The following ZC3H12A variants were observed in gnomAD, a reference collection of about 807,000 sequenced individuals.
ZC3H12A encodes the protein endoribonuclease ZC3H12A.
A neutral mutation model predicts 29.9 loss-of-function variants in ZC3H12A; 9 were observed. The ratio of observed to expected loss-of-function variants is 0.30; its 90% CI spans 0.18 to 0.53. The LOEUF (loss-of-function observed/expected upper bound fraction) is 0.53. Ranked by LOEUF, ZC3H12A falls within the 20% of genes least tolerant of loss-of-function variation. The pLI, the probability that ZC3H12A is intolerant of heterozygous loss-of-function variation, is 0.96. For synonymous variants in ZC3H12A, 323 were observed against 338.1 expected (o/e 0.96, Z 0.49); for missense variants, 617 against 799.0 (o/e 0.77, Z 2.75).
chr1:37,483,511 A>ACCTGGTGGAGGCTGTGATGGGGCGCTTCC lies in ZC3H12A; in HGVS notation c.1702_1730dup (p.Gln578TrpfsTer5). ...AAGCTGTGTGGTGTGTTTCCCCCGC[A>ACCTGGTGGAGGCTGTGATGGGGCGCTTCC]CCTGGTGGAGGCTGTGATGGGGCGC... On this transcript the variant is annotated frameshift_variant, in exon 6 of 6. Transcript: ENST00000373087. LOFTEE classifies it high-confidence loss of function. The ACCTGGTGGAGGCTGTGATGGGGCGCTTCC allele has an allele frequency of 6.2e-7, 1 of 1,613,802 alleles. No individual in the cohort carries two copies. The highest frequency in any genetic ancestry group is 8.5e-7 in the Non-Finnish European group (1 of 1,179,912).
chr1:37,479,805 G>A lies in ZC3H12A; in HGVS notation c.444-485G>A. The stretch of plus-strand genomic sequence containing the variant: ...TGCTTCCCCCGCCCCCACCCACGCT[G>A]CAAGAGGCGAGGGAGGGGTGGTGAC... On this transcript the variant is annotated intron_variant, in intron 2 of 5. Transcript: ENST00000373087. The surrounding 1 kb of genome is among the most constrained non-coding windows in gnomAD (Gnocchi z 4.5). The A allele has an allele frequency of 1.0e-6, 1 of 985,420 alleles. No homozygotes were observed. The highest frequency in any genetic ancestry group is 1.2e-6 in the Non-Finnish European group (1 of 829,924). The allele number at this position is 985,420 out of a possible 1,614,324, so 61.0% of individuals were successfully genotyped here.
chr1:37,482,302 G>T, intron 4 of ZC3H12A, 132 bp from the exon 5 acceptor site: 2 of 769,102 alleles, frequency 2.6e-6, no homozygotes, highest in South Asian at 3.4e-5. Flanking sequence ...GTTTTGCGGG[G>T]TCCTGGACAG....
chr1:37,482,996 A>G lies in ZC3H12A; in HGVS notation c.1185A>G (p.Thr395=). ...CAGGGTCCCGCCAAGAGGGTCTAAC[A>G]CAGACCTATGCCCCATCAGGCAGGA... is the stretch of plus-strand genomic sequence containing the variant. ...ASPGSRQEGL[T]QTYAPSGRSL... Residue 395 remains threonine (T), a synonymous_variant, in exon 6 of 6, where the codon ACA becomes ACG. Coordinates refer to ENST00000373087, the MANE Select transcript of ZC3H12A (RefSeq NM_025079.3). The G allele has an allele frequency of 6.2e-7, 1 of 1,610,474 alleles. No individual in the cohort carries two copies. Among genetic ancestry groups the G allele is most frequent in the Non-Finnish European group, 8.5e-7 (1 of 1,178,528 alleles).
intron 3 of ZC3H12A, 96 bp from the exon 4 acceptor site, chr1:37,481,505 C>T: frequency 1.6e-6 from 2 of 1,237,208 alleles, no homozygotes; most frequent in Non-Finnish European, 2.3e-6. Context: ...TGGCGTTAAC[C>T]ACTCCTGTGT....
At chr1:37,477,349 G>A (rs1439697751) in intron 2 of ZC3H12A, among the ~76,000 whole-genome samples, 3 of 152,168 alleles carry the variant, frequency 2.0e-5, no homozygotes, top group African/African-American at 7.2e-5. Context: ...GTGATGAGGG[G>A]TGCTCAGAGG....
chr1:37,479,167 G>A lies in ZC3H12A; in HGVS notation c.444-1123G>A. On this transcript the variant is annotated intron_variant, in intron 2 of 5. Coordinates refer to ENST00000373087, the MANE Select transcript of ZC3H12A (RefSeq NM_025079.3). This position sits in a 1 kb window ranked among gnomAD's most constrained non-coding sequence, Gnocchi z 4.5. ...GTCTAAGCTGTTCACTGAGGGGGCA[G>A]TGAGACGTGGGGCTGCTGGTCCTAG... The A allele has an allele frequency of 1.0e-6, 1 of 985,470 alleles. No individual in the cohort carries two copies. The highest frequency in any genetic ancestry group is 1.2e-6 in the Non-Finnish European group (1 of 829,940). 61.0% of individuals were successfully genotyped at this position (985,470 alleles called of 1,614,324 possible). A position where few individuals can be genotyped will look rare whatever the true frequency, so the allele number is the denominator to read the frequency against.
Position 37,479,781 on chromosome 1 carries a change from G to A in ZC3H12A, c.444-509G>A. The A allele has an allele frequency of 1.0e-6, 1 of 985,426 alleles. No homozygotes were observed. 61.0% of individuals were successfully genotyped at this position (985,426 alleles called of 1,614,324 possible). A position where few individuals can be genotyped will look rare whatever the true frequency, so the allele number is the denominator to read the frequency against. On this transcript the variant is annotated intron_variant, in intron 2 of 5. Coordinates refer to ENST00000373087, the MANE Select transcript of ZC3H12A (RefSeq NM_025079.3). The surrounding 1 kb of genome is among the most constrained non-coding windows in gnomAD (Gnocchi z 4.5). ...TTTCTCCTCGGTCAGCCCAGCCGGT[G>A]CTTCCCCCGCCCCCACCCACGCTGC...
At position 37,483,451 on chromosome 1, in the gene ZC3H12A, G is replaced by A. The variant is rs17849897; in HGVS notation, c.1640G>A (p.Gly547Asp). The A allele has an allele frequency of 0.024, 38,396 of 1,614,016 alleles. 552 individuals are homozygous for A. The highest frequency in any genetic ancestry group is 0.028 in the Non-Finnish European group (32,651 of 1,179,954). ...GAGRSPWGRA[G>D]SLAKEQASVY... ...GGCAGGAGCCCGTGGGGCAGGGCAG[G>A]CAGCCTGGCCAAGGAGCAGGCCAGC... The change falls in exon 6 of 6, where the codon GGC becomes GAC. Residue 547 changes from glycine to aspartate, a missense_variant. Gly to Asp is a moderately conservative substitution (Grantham distance 94, BLOSUM62 -1). Transcript: ENST00000373087.
Position 37,475,516 on chromosome 1 carries a change from A to G in ZC3H12A, c.20A>G (p.Glu7Gly). The G allele has an allele frequency of 6.2e-7, 1 of 1,609,830 alleles. No individual in the cohort carries two copies. The highest frequency in any genetic ancestry group is 8.5e-7 in the Non-Finnish European group (1 of 1,178,050). ...TGAGCTATGAGTGGCCCCTGTGGAG[A>G]GAAGCCTGTCCTGGAAGCCAGCCCC... MSGPCG[E>G]KPVLEASPTM... is the part of the protein sequence containing the mutation. The change falls in exon 2 of 6, where the codon GAG (glutamate) becomes GGG (glycine). Residue 7 changes from glutamate to glycine, a missense_variant. Coordinates refer to ENST00000373087, the MANE Select transcript of ZC3H12A (RefSeq NM_025079.3). This position sits in a 1 kb window ranked among gnomAD's most constrained non-coding sequence, Gnocchi z 5.2.
rs1466011871 is a variant in ZC3H12A at position 37,480,432 on chromosome 1, G to A, written c.583+3G>A. The A allele has an allele frequency of 6.2e-7, 1 of 1,610,990 alleles. No individual in the cohort carries two copies. The highest frequency in any genetic ancestry group is 8.5e-7 in the Non-Finnish European group (1 of 1,178,070). On this transcript the variant is annotated splice_donor_region_variant and intron_variant, in intron 3 of 5. Coordinates refer to ENST00000373087, the MANE Select transcript of ZC3H12A (RefSeq NM_025079.3). ...TCGGCCCGACGTGCCCATCACAGGT[G>A]AGTGGTGCCTCTGGAGGTGGGATGG...
In ZC3H12A at chr1:37,483,402, C is replaced by A. The variant is rs781329279; in HGVS notation, c.1591C>A (p.Pro531Thr). The stretch of plus-strand genomic sequence containing the variant: ...CCCACCCACATCAGTCCTTCAGGAG[C>A]CCCCAGTGCAGAGCCCAGGGGCTGG... ...LPPPTSVLQEPPVQSPGAGRS... is the reference protein window; with the variant it reads ...LPPPTSVLQETPVQSPGAGRS... The change falls in exon 6 of 6, where the codon CCC (proline) becomes ACC (threonine). Residue 531 changes from proline (P) to threonine (T), a missense_variant. Physicochemically the swap from Pro to Thr is conservative, Grantham distance 38 (BLOSUM62 -1). Around this residue, in one of 5 missense-constraint regions of ZC3H12A, gnomAD observed 172 missense variants for 203.1 expected, o/e 0.85. Transcript: ENST00000373087. 1.2e-6 allele frequency: 2 copies of A among 1,613,994 alleles called. No homozygotes were observed. Among genetic ancestry groups the A allele is most frequent in the Non-Finnish European group, 1.7e-6 (2 of 1,179,914 alleles).
chr1:37,477,194 C>T (rs183002200), intron 2 of ZC3H12A, among the ~76,000 whole-genome samples: 4 of 152,380 alleles, frequency 2.6e-5, no homozygotes, highest in African/African-American at 9.6e-5. Context: ...CAGTGTCCAG[C>T]CTCATGTAGC....
chr1:37,479,808 A>G lies in ZC3H12A; in HGVS notation c.444-482A>G. On this transcript the variant is annotated intron_variant, in intron 2 of 5. Coordinates refer to ENST00000373087, the MANE Select transcript of ZC3H12A (RefSeq NM_025079.3). This position sits in a 1 kb window ranked among gnomAD's most constrained non-coding sequence, Gnocchi z 4.5. The stretch of plus-strand genomic sequence containing the variant: ...TTCCCCCGCCCCCACCCACGCTGCA[A>G]GAGGCGAGGGAGGGGTGGTGACTCA... 5 of 985,392 alleles carry G rather than the reference A, an allele frequency of 5.1e-6. No individual in the cohort carries two copies. The South Asian group carries it at 1.4e-4, about 28-fold the overall frequency. 61.0% of individuals were successfully genotyped at this position (985,392 alleles called of 1,614,324 possible). A position where few individuals can be genotyped will look rare whatever the true frequency, so the allele number is the denominator to read the frequency against.
chr1:37,479,172 A>G lies in ZC3H12A; in HGVS notation c.444-1118A>G, dbSNP rs1472559167. The G allele has an allele frequency of 2.0e-6, 2 of 985,272 alleles. No homozygotes were observed. Among genetic ancestry groups the G allele is most frequent in the Non-Finnish European group, 2.4e-6 (2 of 829,924 alleles). 61.0% of individuals were successfully genotyped at this position (985,272 alleles called of 1,614,324 possible). Reference sequence around the variant, plus strand: ...AGCTGTTCACTGAGGGGGCAGTGAGACGTGGGGCTGCTGGTCCTAGGAGCT... The same window carrying G: ...AGCTGTTCACTGAGGGGGCAGTGAGGCGTGGGGCTGCTGGTCCTAGGAGCT... On this transcript the variant is annotated intron_variant, in intron 2 of 5. Transcript: ENST00000373087. This position sits in a 1 kb window ranked among gnomAD's most constrained non-coding sequence, Gnocchi z 4.5.
intron 2 of ZC3H12A, among the ~76,000 whole-genome samples, chr1:37,477,883 G>T (rs1641622725): frequency 6.6e-6 from 1 of 152,262 alleles, no homozygotes; most frequent in Admixed American, 6.5e-5. Context: ...AGCGCCCACT[G>T]ATCAGTTTTT....
chr1:37,483,007 C>T lies in ZC3H12A; in HGVS notation c.1196C>T (p.Ala399Val), dbSNP rs1249015371. The change falls in exon 6 of 6, where the codon GCC (alanine) becomes GTC (valine). Residue 399 changes from alanine to valine, a missense_variant. By Grantham distance (64) the Ala-to-Val change is moderately conservative. This residue lies in a region of ZC3H12A where 115 missense variants were observed against 112.5 expected (regional missense o/e 1.02). Transcript: ENST00000373087. ...SRQEGLTQTY[A>V]PSGRSLAPSG... Reference sequence around the variant, plus strand: ...CAAGAGGGTCTAACACAGACCTATGCCCCATCAGGCAGGAGCCTCGCACCT... The same window carrying T: ...CAAGAGGGTCTAACACAGACCTATGTCCCATCAGGCAGGAGCCTCGCACCT... The T allele has an allele frequency of 6.2e-7, 1 of 1,608,700 alleles. No homozygotes were observed. The highest frequency in any genetic ancestry group is 1.1e-5 in the South Asian group (1 of 90,542).
In ZC3H12A at chr1:37,475,712, G is replaced by A. The variant is rs772818521; in HGVS notation, c.216G>A (p.Leu72=). 24 of 1,614,014 alleles carry A rather than the reference G, an allele frequency of 1.5e-5. No individual in the cohort carries two copies. The highest frequency in any genetic ancestry group is 1.6e-4 in the Middle Eastern group (1 of 6,084). The change falls in exon 2 of 6, where the codon CTG becomes CTA. Residue 72 remains leucine (L), a synonymous_variant. Transcript: ENST00000373087. This position sits in a 1 kb window ranked among gnomAD's most constrained non-coding sequence, Gnocchi z 5.2. ...AGATCCACAGCGTCCTGCAGAAGCT[G>A]GGCGTCCAGGCAGACACCAACACGG... ...STEIHSVLQK[L]GVQADTNTVL... is the part of the protein sequence containing the mutation.
rs990929787 is a variant in ZC3H12A, at chr1:37,479,789, C to T, written c.444-501C>T. 7 of 985,302 alleles carry T rather than the reference C, an allele frequency of 7.1e-6. No individual in the cohort carries two copies. The highest frequency in any genetic ancestry group is 6.1e-5 in the Admixed American group (1 of 16,266). The allele number at this position is 985,302 out of a possible 1,614,324, so 61.0% of individuals were successfully genotyped here. ...CGGTCAGCCCAGCCGGTGCTTCCCC[C>T]GCCCCCACCCACGCTGCAAGAGGCG... On this transcript the variant is annotated intron_variant, in intron 2 of 5. Coordinates refer to ENST00000373087, the MANE Select transcript of ZC3H12A (RefSeq NM_025079.3). The surrounding 1 kb of genome is among the most constrained non-coding windows in gnomAD (Gnocchi z 4.5).
At position 37,483,036 on chromosome 1, in the gene ZC3H12A, G is replaced by A. The variant is rs201031728; in HGVS notation, c.1225G>A (p.Gly409Arg). The A allele has an allele frequency of 1.4e-5, 22 of 1,606,990 alleles. No individual in the cohort carries two copies. The highest frequency in any genetic ancestry group is 3.3e-4 in the Middle Eastern group (2 of 6,048). ...APSGRSLAPS[G>R]GSGSSFGPTD... is the part of the protein sequence containing the mutation. ...ATCAGGCAGGAGCCTCGCACCTAGC[G>A]GGGGCAGTGGCAGCAGCTTTGGGCC... is the stretch of plus-strand genomic sequence containing the variant. Residue 409 changes from glycine to arginine, a missense_variant, in exon 6 of 6, where the codon GGG (glycine) becomes AGG (arginine). By Grantham distance (125) the Gly-to-Arg change is moderately radical. Transcript: ENST00000373087.
Sources: allele counts gnomAD v4.1 joint callset (sites outside exome capture counted in the v4.1 genomes callset), GRCh38; gene constraint gnomAD v4.1.1; regional missense constraint gnomAD v4.1.1; non-coding constraint Gnocchi (gnomAD v3.1); transcripts MANE v1.5; gene names NCBI Gene and HGNC (gene_info 2026-07-23, HGNC 2026-07-21).